EPPIN: variants seen among roughly 807,000 people sequenced by gnomAD.
The protein encoded by EPPIN is WAP four-disulfide core domain protein 7.
EPPIN carries 14 observed loss-of-function variants against 18.8 expected under a neutral mutation model. That is an observed-to-expected ratio of 0.75 (90% CI 0.49 to 1.17). The LOEUF is 1.17. EPPIN is among the 50% of genes most tolerant of loss of function. The probability of loss-of-function intolerance (pLI) is 0.00; values close to 1 mark genes in which losing one functional copy is unlikely to be tolerated. For missense variants in EPPIN, 143 were observed against 154.2 expected, an observed-to-expected ratio of 0.93 and a Z score of 0.39; for synonymous variants, 57 against 54.8, an observed-to-expected ratio of 1.04 and a Z score of -0.18.
At position 45,542,875 on chromosome 20, in the gene EPPIN, G is replaced by A; in HGVS notation, c.224-8C>T. ...TTGGCATTTCGCATACATCTGCAGA[G>A]AGACTCCAGAGTTGAAAACTCAGTG... On this transcript the variant is annotated splice_region_variant and splice_polypyrimidine_tract_variant and intron_variant, in intron 2 of 3. Coordinates refer to ENST00000354280, the MANE Select transcript of EPPIN (RefSeq NM_020398.4). The A allele has an allele frequency of 6.2e-7, 1 of 1,605,218 alleles. No homozygotes were observed. The highest frequency in any genetic ancestry group is 8.5e-7 in the Non-Finnish European group (1 of 1,176,670).
At chr20:45,542,560 A>G in intron 3 of EPPIN, 140 bp downstream of exon 3, 2 of 1,315,754 alleles carry the variant, frequency 1.5e-6, no homozygotes, top group Non-Finnish European at 2.1e-6. Context: ...TGCCAGGTGC[A>G]TTCTTACCTC....
intron 1 of EPPIN, 77 bp downstream of exon 1, chr20:45,547,190 T>A: frequency 6.3e-7 from 1 of 1,597,338 alleles, no homozygotes; most frequent in South Asian, 1.1e-5. Flanking sequence ...GCAACCCACA[T>A]CTGAAGAGTT....
intron 3 of EPPIN, 58 bp downstream of exon 3, chr20:45,542,642 C>G (rs935956253): frequency 6.3e-7 from 1 of 1,576,758 alleles, no homozygotes. Context: ...CCAGCCAACA[C>G]CCAGACCTCC....
rs145210426 is a variant in EPPIN at position 45,543,163 on chromosome 20, A to G, written c.224-296T>C. On this transcript the variant is annotated intron_variant, in intron 2 of 3. Coordinates refer to ENST00000354280, the MANE Select transcript of EPPIN (RefSeq NM_020398.4). ...ACTGGTGTCCTTATACAAACAGGTT[A>G]ATTTGGACAGAGGCACACACACTGT... 35 of 290,194 alleles carry G rather than the reference A, an allele frequency of 1.2e-4. 1 individual carries two copies. Among genetic ancestry groups the G allele is most frequent in the Non-Finnish European group, 2.1e-4 (33 of 158,740 alleles). The allele number at this position is 290,194 out of a possible 1,614,324, so 18.0% of individuals were successfully genotyped here.
At position 45,541,914 on chromosome 20, in the gene EPPIN, G is replaced by T; in HGVS notation, c.*230C>A. The stretch of plus-strand genomic sequence containing the variant: ...TATAAACTGGGAGTTCTAGAAGTTG[G>T]AGATAAAGGGGACATAAAGATGAAA... On this transcript the variant is annotated 3_prime_UTR_variant, in exon 4 of 4. Coordinates refer to ENST00000354280, the MANE Select transcript of EPPIN (RefSeq NM_020398.4). 1.9e-6 allele frequency: 1 copy of T among 523,230 alleles called. No individual in the cohort carries two copies. The highest frequency in any genetic ancestry group is 3.4e-6 in the Non-Finnish European group (1 of 296,330). 32.4% of individuals were successfully genotyped at this position (523,230 alleles called of 1,614,324 possible). A position where few individuals can be genotyped will look rare whatever the true frequency, so the allele number is the denominator to read the frequency against.
Position 45,541,925 on chromosome 20 carries a change from G to A in EPPIN, c.*219C>T. 2 of 538,624 alleles carry A rather than the reference G, an allele frequency of 3.7e-6. No individual in the cohort carries two copies. The highest frequency in any genetic ancestry group is 6.5e-6 in the Non-Finnish European group (2 of 306,764). The allele number at this position is 538,624 out of a possible 1,614,324, so 33.4% of individuals were successfully genotyped here. ...AGTTCTAGAAGTTGGAGATAAAGGG[G>A]ACATAAAGATGAAATCAAAACGGAT... On this transcript the variant is annotated 3_prime_UTR_variant, in exon 4 of 4. Transcript: ENST00000354280.
Position 45,542,691 on chromosome 20 carries a change from A to G in EPPIN, c.391+9T>C. 1 of 1,612,762 alleles carries G rather than the reference A, an allele frequency of 6.2e-7. No individual in the cohort carries two copies. The highest frequency in any genetic ancestry group is 8.5e-7 in the Non-Finnish European group (1 of 1,179,296). ...GAGAGGATGAAAGACCGGGGCCCCT[A>G]GGACTTACGTTTATTCTTGCAGGTG... On this transcript the variant is annotated intron_variant, in intron 3 of 3. Transcript: ENST00000354280.
intron 2 of EPPIN, chr20:45,543,754 C>T (rs1979703544): frequency 6.6e-6 from 1 of 152,488 alleles, no homozygotes; most frequent in African/African-American, 2.4e-5. Context: ...ACAATGTCCT[C>T]CCATGACCCA....
rs1232470941 is a variant in EPPIN at position 45,541,628 on chromosome 20, T to C, written c.*516A>G. On this transcript the variant is annotated 3_prime_UTR_variant, in exon 4 of 4. Transcript: ENST00000354280. Reference sequence around the variant, plus strand: ...GGGTTAGTTTCTAGAGGATCCAAACTAAGGCACTGTCCTTGGGCCCTTGCC... The same window carrying C: ...GGGTTAGTTTCTAGAGGATCCAAACCAAGGCACTGTCCTTGGGCCCTTGCC... The C allele has an allele frequency of 2.0e-5, 3 of 153,588 alleles. No individual in the cohort carries two copies. Among genetic ancestry groups the C allele is most frequent in the Non-Finnish European group, 2.9e-5 (2 of 68,946 alleles). 9.5% of individuals were successfully genotyped at this position (153,588 alleles called of 1,614,324 possible). A position where few individuals can be genotyped will look rare whatever the true frequency, so the allele number is the denominator to read the frequency against.
At position 45,542,847 on chromosome 20, in the gene EPPIN, C is replaced by G. The variant is rs1302919467; in HGVS notation, c.244G>C (p.Glu82Gln). 2 of 1,613,388 alleles carry G rather than the reference C, an allele frequency of 1.2e-6. No homozygotes were observed. The highest frequency in any genetic ancestry group is 1.7e-6 in the Non-Finnish European group (2 of 1,179,674). The change falls in exon 3 of 4, where the codon GAA becomes CAA. Residue 82 changes from glutamate (E) to glutamine (Q), a missense_variant. By Grantham distance (29) the Glu-to-Gln change is conservative. Coordinates refer to ENST00000354280, the MANE Select transcript of EPPIN (RefSeq NM_020398.4). ...AAATAAGCCAGGCAGGGGCCAGTTT[C>G]TTTTGGCATTTCGCATACATCTGCA... ...LKQDVCEMPK[E>Q]TGPCLAYFLH...
Position 45,542,034 on chromosome 20 carries a change from G to T in EPPIN, c.*110C>A. On this transcript the variant is annotated 3_prime_UTR_variant, in exon 4 of 4. Transcript: ENST00000354280. ...TGTTCTGGGAAGGGCTAAGATCTTG[G>T]AATGCTGAGAGTGAAACTGGAAGCC... is the stretch of plus-strand genomic sequence containing the variant. 7.1e-7 allele frequency: 1 copy of T among 1,416,530 alleles called. No homozygotes were observed. Among genetic ancestry groups the T allele is most frequent in the Non-Finnish European group, 9.7e-7 (1 of 1,026,724 alleles). The allele number at this position is 1,416,530 out of a possible 1,614,324, so 87.7% of individuals were successfully genotyped here.
intron 2 of EPPIN, 142 bp downstream of exon 2, chr20:45,545,497 G>T: frequency 1.4e-6 from 2 of 1,417,064 alleles, no homozygotes; most frequent in Non-Finnish European, 1.9e-6. Flanking sequence ...GCACAGTAAT[G>T]AATCTAAATC....
intron 2 of EPPIN, chr20:45,544,277 C>T (rs528873733): frequency 6.6e-6 from 1 of 152,236 alleles, no homozygotes; most frequent in South Asian, 2.1e-4. Context: ...ATTTAGGAGC[C>T]CTTAGCCAAG....
rs779612419 is a variant in EPPIN, at chr20:45,547,389, C to T, written c.-32G>A. 2.9e-5 allele frequency: 47 copies of T among 1,612,122 alleles called. No individual in the cohort carries two copies. The East Asian group carries it at 9.6e-4, about 33-fold the overall frequency. ...GAGAGGCCAGCCTTTCTGGTGGTTC[C>T]CGAATTTGGAATGCTCAGCTGCTGC... On this transcript the variant is annotated 5_prime_UTR_variant, in exon 1 of 4. Coordinates refer to ENST00000354280, the MANE Select transcript of EPPIN (RefSeq NM_020398.4).
chr20:45,543,391 T>C (rs927313543), intron 2 of EPPIN: 2 of 152,534 alleles, frequency 1.3e-5, no homozygotes, highest in Admixed American at 6.5e-5. Flanking sequence ...AATACATTTC[T>C]GTTGTTTAAG....
chr20:45,542,931 A>G, intron 2 of EPPIN, 64 bp from the exon 3 acceptor site: 5 of 1,542,914 alleles, frequency 3.2e-6, no homozygotes, highest in Non-Finnish European at 4.3e-6. Context: ...AGTTGTTATT[A>G]TTCTCCCTGG....
chr20:45,541,888 G>T lies in EPPIN; in HGVS notation c.*256C>A. ...CTGGAAAAAATTGAGAGTGACACAG[G>T]TATAAACTGGGAGTTCTAGAAGTTG... On this transcript the variant is annotated 3_prime_UTR_variant, in exon 4 of 4. Coordinates refer to ENST00000354280, the MANE Select transcript of EPPIN (RefSeq NM_020398.4). 2.0e-6 allele frequency: 1 copy of T among 494,610 alleles called. No individual in the cohort carries two copies. The highest frequency in any genetic ancestry group is 3.0e-5 in the South Asian group (1 of 33,256). The allele number at this position is 494,610 out of a possible 1,614,324, so 30.6% of individuals were successfully genotyped here. A position where few individuals can be genotyped will look rare whatever the true frequency, so the allele number is the denominator to read the frequency against.
chr20:45,547,382 G>C lies in EPPIN; in HGVS notation c.-25C>G, dbSNP rs764988226. 2.5e-6 allele frequency: 4 copies of C among 1,612,588 alleles called. No individual in the cohort carries two copies. The highest frequency in any genetic ancestry group is 1.3e-5 in the African/African-American group (1 of 74,896). ...TGTTGAAGAGAGGCCAGCCTTTCTG[G>C]TGGTTCCCGAATTTGGAATGCTCAG... On this transcript the variant is annotated 5_prime_UTR_variant, in exon 1 of 4. Coordinates refer to ENST00000354280, the MANE Select transcript of EPPIN (RefSeq NM_020398.4).
rs1979657971 is a variant in EPPIN, at chr20:45,542,818, A to G, written c.273T>C (p.Leu91=). The G allele has an allele frequency of 2.5e-6, 4 of 1,613,950 alleles. No individual in the cohort carries two copies. The highest frequency in any genetic ancestry group is 3.4e-6 in the Non-Finnish European group (4 of 1,179,866). Residue 91 remains leucine (L), a synonymous_variant, in exon 3 of 4, where the codon CTT becomes CTC. Transcript: ENST00000354280. ...KETGPCLAYF[L]HWWYDKKDNT... ...TATCTTTCTTGTCATACCACCAATG[A>G]AGAAAATAAGCCAGGCAGGGGCCAG...
Sources: allele counts gnomAD v4.1 joint callset, GRCh38; gene constraint gnomAD v4.1.1; transcripts MANE v1.5; gene names NCBI Gene and HGNC (gene_info 2026-07-23, HGNC 2026-07-21).